Variants in IQCH observed in about 807,000 individuals in gnomAD.
The protein encoded by IQCH is IQ motif containing H, also known as IQ domain-containing protein H.
A neutral mutation model predicts 117.0 loss-of-function variants in IQCH; 98 were observed. The ratio of observed to expected loss-of-function variants is 0.84; its 90% CI spans 0.71 to 0.99. The LOEUF (loss-of-function observed/expected upper bound fraction) is 0.99. Among genes scored for constraint, IQCH ranks in the 50% least tolerant of loss-of-function variants. The pLI, the probability that IQCH is intolerant of heterozygous loss-of-function variation, is 0.00. For missense variants in IQCH, 1,102 were observed against 1,243.8 expected, an observed-to-expected ratio of 0.89 and a Z score of 1.72; for synonymous variants, 412 against 448.2, an observed-to-expected ratio of 0.92 and a Z score of 1.02.
At chr15:67,303,438 A>G (rs1967149715) in intron 4 of IQCH, among the ~76,000 whole-genome samples, 1 of 152,170 alleles carries the variant, frequency 6.6e-6, no homozygotes. Context: ...TATGCATTAT[A>G]TTACAATTTT....
At position 67,359,250 on chromosome 15, in the gene IQCH, GTT is replaced by G; in HGVS notation, c.715-594_715-593del. ...TAAATGGTTTACCACGAAAAAAATAGTTTTAAATAATGACATATTTTCTGAAT... is the reference window on the plus strand; with the variant it reads ...TAAATGGTTTACCACGAAAAAAATAGTTAAATAATGACATATTTTCTGAAT... On this transcript the variant is annotated intron_variant, in intron 7 of 20. Transcript: ENST00000335894. The surrounding 1 kb of genome is among the most constrained non-coding windows in gnomAD (Gnocchi z 4.5). 6.6e-6 allele frequency among the ~76,000 whole-genome samples: 1 copy of G among 152,296 alleles called. No homozygotes were observed. Among genetic ancestry groups the G allele is most frequent in the East Asian group, 1.9e-4 (1 of 5,182 alleles).
chr15:67,300,330 A>C (rs1187632412), intron 4 of IQCH, among the ~76,000 whole-genome samples: 2 of 152,110 alleles, frequency 1.3e-5, no homozygotes, highest in Non-Finnish European at 2.9e-5. Context: ...AATTTACAAG[A>C]TACTTACCAT....
chr15:67,340,314 G>A lies in IQCH; in HGVS notation c.508+3219G>A, dbSNP rs977589556. On this transcript the variant is annotated intron_variant, in intron 5 of 20. Transcript: ENST00000335894. ...GTGATGGCGGGCACCTGTAATCCCA[G>A]CTACTCTGGAGGCTGAGGCATGAGA... 2.6e-5 allele frequency among the ~76,000 whole-genome samples: 4 copies of A among 151,350 alleles called. No homozygotes were observed. In the South Asian group the frequency reaches 6.3e-4, roughly 24 times the overall value.
chr15:67,416,700 T>C lies in IQCH; in HGVS notation c.2098-231T>C, dbSNP rs2081587735. Among the ~76,000 whole-genome samples the C allele has an allele frequency of 6.6e-6, 1 of 152,144 alleles. No individual in the cohort carries two copies. Among genetic ancestry groups the C allele is most frequent in the African/African-American group, 2.4e-5 (1 of 41,432 alleles). ...TGATGCCCAGAGAGAAGGGTGCCTT[T>C]CAGAGACAACAGGAACAATTAAGAA... On this transcript the variant is annotated intron_variant, in intron 14 of 20. Coordinates refer to ENST00000335894, the MANE Select transcript of IQCH (RefSeq NM_001031715.3). This position sits in a 1 kb window ranked among gnomAD's most constrained non-coding sequence, Gnocchi z 5.1.
intron 4 of IQCH, among the ~76,000 whole-genome samples, chr15:67,333,826 G>T (rs1263853157): frequency 6.6e-6 from 1 of 152,142 alleles, no homozygotes; most frequent in Non-Finnish European, 1.5e-5. Context: ...GGAGGCCAAG[G>T]CAGTAGGATG....
intron 1 of IQCH, among the ~76,000 whole-genome samples, chr15:67,256,194 A>G (rs1051503654): frequency 6.6e-6 from 1 of 152,242 alleles, no homozygotes; most frequent in Non-Finnish European, 1.5e-5. Context: ...TGAATAGGAC[A>G]GAGTCCAGGA....
intron 10 of IQCH, chr15:67,374,172 T>G (rs1266473140): frequency 6.6e-6 from 1 of 152,186 alleles, no homozygotes; most frequent in Non-Finnish European, 1.5e-5. Context: ...TGTCAACATG[T>G]TTGGGATTTG....
intron 13 of IQCH, among the ~76,000 whole-genome samples, chr15:67,399,402 T>G (rs1248780427): frequency 4.6e-5 from 7 of 152,204 alleles, no homozygotes; most frequent in Non-Finnish European, 1.0e-4. Context: ...ATTATTATGA[T>G]ACTAGAGCTT....
chr15:67,341,641 A>G (rs1471717126), intron 5 of IQCH, among the ~76,000 whole-genome samples: 1 of 152,152 alleles, frequency 6.6e-6, no homozygotes, highest in Non-Finnish European at 1.5e-5. Context: ...AAAATGTTAA[A>G]GGATGATTTT....
rs1225488956 is a variant in IQCH, at chr15:67,296,197, TAAAG to T, written c.387+16691_387+16694del. Among the ~76,000 whole-genome samples, 3 of 152,158 alleles carry T rather than the reference TAAAG, an allele frequency of 2.0e-5. No homozygotes were observed. In the East Asian group the frequency reaches 5.8e-4, roughly 29 times the overall value. On this transcript the variant is annotated intron_variant, in intron 4 of 20. Transcript: ENST00000335894. ...GTTTGAATGAATGAATGAATTCTGTTAAAGAAAGAGAGATAGAGGTTGGAGGAGA... is the reference window on the plus strand; with the variant it reads ...GTTTGAATGAATGAATGAATTCTGTTAAAGAGAGATAGAGGTTGGAGGAGA...
At chr15:67,298,258 A>G (rs912601999) in intron 4 of IQCH, among the ~76,000 whole-genome samples, 1 of 151,656 alleles carries the variant, frequency 6.6e-6, no homozygotes, top group African/African-American at 2.4e-5. Flanking sequence ...CAGTAAGCCG[A>G]TATCACATCA....
rs1472732938 is a variant in IQCH, at chr15:67,433,797, G to A, written c.2505+12220G>A. ...CTACTAATGCCAAGAAAGACCATAA[G>A]ATTCTTCACCTATGAGCATTTATAG... On this transcript the variant is annotated intron_variant, in intron 16 of 20. Coordinates refer to ENST00000335894, the MANE Select transcript of IQCH (RefSeq NM_001031715.3). This position sits in a 1 kb window ranked among gnomAD's most constrained non-coding sequence, Gnocchi z 5.4. Among the ~76,000 whole-genome samples the A allele has an allele frequency of 6.6e-6, 1 of 152,158 alleles. No homozygotes were observed. Among genetic ancestry groups the A allele is most frequent in the Admixed American group, 6.5e-5 (1 of 15,274 alleles).
At chr15:67,480,873 G>A (rs960475539) in intron 18 of IQCH, among the ~76,000 whole-genome samples, 1 of 151,918 alleles carries the variant, frequency 6.6e-6, no homozygotes, top group African/African-American at 2.4e-5. Context: ...AGGCATTGCC[G>A]ACTGCATTTG....
At chr15:67,268,207 T>G (rs960539443) in intron 3 of IQCH, among the ~76,000 whole-genome samples, 2 of 152,248 alleles carry the variant, frequency 1.3e-5, no homozygotes, top group Admixed American at 1.3e-4. Context: ...TCTGGTCGTT[T>G]TGTCTGGTAG....
chr15:67,494,387 C>G lies in IQCH; in HGVS notation c.2970+21C>G. On this transcript the variant is annotated intron_variant, in intron 20 of 20. Transcript: ENST00000335894. This position sits in a 1 kb window ranked among gnomAD's most constrained non-coding sequence, Gnocchi z 5.5. ...TTAAGGTGAGGTGTTAATTAACTAACGATTCTGGTTAATTTCTATACAAGG... is the reference window on the plus strand; with the variant it reads ...TTAAGGTGAGGTGTTAATTAACTAAGGATTCTGGTTAATTTCTATACAAGG... The G allele has an allele frequency of 6.6e-7, 1 of 1,504,942 alleles. No homozygotes were observed. Among genetic ancestry groups the G allele is most frequent in the East Asian group, 2.3e-5 (1 of 44,310 alleles). 93.2% of individuals were successfully genotyped at this position (1,504,942 alleles called of 1,614,324 possible).
At chr15:67,483,087 C>G (rs1382124147) in intron 18 of IQCH, among the ~76,000 whole-genome samples, 1 of 152,114 alleles carries the variant, frequency 6.6e-6, no homozygotes, top group Non-Finnish European at 1.5e-5. Flanking sequence ...TATAAATGTC[C>G]TGCCAAACCT....
In IQCH at chr15:67,426,773, A is replaced by G. The variant is rs1051211145; in HGVS notation, c.2505+5196A>G. On this transcript the variant is annotated intron_variant, in intron 16 of 20. Transcript: ENST00000335894. The surrounding 1 kb of genome is among the most constrained non-coding windows in gnomAD (Gnocchi z 5.1). ...AGAATTGCTTGAGCTCAGGAGTTCA[A>G]TACCAGCCTGGGCAACATAGAAAGG... Among the ~76,000 whole-genome samples the G allele has an allele frequency of 8.5e-5, 13 of 152,166 alleles. No homozygotes were observed. The highest frequency in any genetic ancestry group is 6.6e-4 in the Admixed American group (10 of 15,262).
At chr15:67,487,887 T>C (rs1326442590) in intron 18 of IQCH, among the ~76,000 whole-genome samples, 1 of 152,062 alleles carries the variant, frequency 6.6e-6, no homozygotes, top group Non-Finnish European at 1.5e-5. Context: ...GCATTTCCAC[T>C]GTTGGACAAC....
At chr15:67,394,893 G>A (rs1971409309) in intron 12 of IQCH, among the ~76,000 whole-genome samples, 1 of 152,172 alleles carries the variant, frequency 6.6e-6, no homozygotes, top group African/African-American at 2.4e-5. Flanking sequence ...ATAAAGTAAA[G>A]AATGTTATGA....
Sources: gnomAD v4.1 joint callset for allele counts (sites outside exome capture counted in the v4.1 genomes callset) on GRCh38, gnomAD v4.1.1 for gene constraint, Gnocchi (gnomAD v3.1) non-coding constraint, MANE v1.5 for transcripts, NCBI Gene and HGNC (gene_info 2026-07-23, HGNC 2026-07-21) for gene names.